Variants in MYH10 observed in about 807,000 individuals in gnomAD.
MYH10 encodes myosin heavy chain 10.
A neutral mutation model predicts 257.8 loss-of-function variants in MYH10; 55 were observed. The ratio of observed to expected loss-of-function variants is 0.21; its 90% CI spans 0.17 to 0.27. The LOEUF (loss-of-function observed/expected upper bound fraction) is 0.27. Among genes scored for constraint, MYH10 ranks in the 10% least tolerant of loss-of-function variants. The pLI, the probability that MYH10 is intolerant of heterozygous loss-of-function variation, is 1.00. For synonymous variants in MYH10, 854 were observed against 921.7 expected, an observed-to-expected ratio of 0.93 and a Z score of 1.33; for missense variants, 1,631 against 2,500.6, an observed-to-expected ratio of 0.65 and a Z score of 7.42.
chr17:8,481,424 A>G lies in MYH10; in HGVS notation c.5176-14T>C. The stretch of plus-strand genomic sequence containing the variant: ...TGAGGCAAGTTCCTAAGCAGTGGAG[A>G]CTGCGTTAAGCTCTGGCTGTGAATA... On this transcript the variant is annotated splice_polypyrimidine_tract_variant and intron_variant, in intron 37 of 42. Transcript: ENST00000360416. 6.2e-7 allele frequency: 1 copy of G among 1,612,714 alleles called. No homozygotes were observed. Among genetic ancestry groups the G allele is most frequent in the Non-Finnish European group, 8.5e-7 (1 of 1,179,192 alleles).
rs376765594 is a variant in MYH10 at position 8,548,933 on chromosome 17, A to G, written c.920-146T>C. The G allele has an allele frequency of 1.1e-5, 6 of 569,572 alleles. No homozygotes were observed. In the East Asian group the frequency reaches 1.1e-4, roughly 11 times the overall value. The allele number at this position is 569,572 out of a possible 1,614,324, so 35.3% of individuals were successfully genotyped here. ...AGCAAAATGTTTTTTTTCTTTATAT[A>G]TTCATGTAAATACACAAACATACAT... On this transcript the variant is annotated intron_variant, in intron 9 of 42. Transcript: ENST00000360416.
At chr17:8,491,505 G>C (rs1268039299) in intron 34 of MYH10, among the ~76,000 whole-genome samples, 1 of 152,226 alleles carries the variant, frequency 6.6e-6, no homozygotes, top group Admixed American at 6.5e-5. Flanking sequence ...ATGGCCCATA[G>C]CACATGAAAA....
At chr17:8,555,429 A>G (rs1222326338) in intron 7 of MYH10, among the ~76,000 whole-genome samples, 1 of 152,226 alleles carries the variant, frequency 6.6e-6, no homozygotes, top group Non-Finnish European at 1.5e-5. Flanking sequence ...GTATTGGTGT[A>G]AAGACAGAGA....
intron 7 of MYH10, among the ~76,000 whole-genome samples, chr17:8,563,711 A>G (rs532018767): frequency 6.6e-6 from 1 of 152,358 alleles, no homozygotes; most frequent in African/African-American, 2.4e-5. Flanking sequence ...GTTTTCAGCA[A>G]CTGCCTTTTG....
rs139940123 is a variant in MYH10, at chr17:8,491,768, C to A, written c.4671+529G>T. On this transcript the variant is annotated intron_variant, in intron 34 of 42. Transcript: ENST00000360416. ...GGAGAGACGTAGGGTAAATAAATAT[C>A]ATGGCAGCTCTTGTGGAAGATGTAT... Among the ~76,000 whole-genome samples, 136 of 152,292 alleles carry A rather than the reference C, an allele frequency of 8.9e-4. 1 individual carries two copies. The highest frequency in any genetic ancestry group is 3.2e-3 in the African/African-American group (134 of 41,548).
intron 1 of MYH10, among the ~76,000 whole-genome samples, chr17:8,628,202 T>C (rs1405463526): frequency 6.6e-6 from 1 of 152,164 alleles, no homozygotes; most frequent in African/African-American, 2.4e-5. Context: ...TTAGCGAACA[T>C]AAAGATGGTC....
At position 8,592,343 on chromosome 17, in the gene MYH10, AT is replaced by A. The variant is rs550048603; in HGVS notation, c.503-3236del. 4.4e-4 allele frequency among the ~76,000 whole-genome samples: 67 copies of A among 152,284 alleles called. 1 individual carries two copies. The highest frequency in any genetic ancestry group is 1.5e-3 in the African/African-American group (62 of 41,578). On this transcript the variant is annotated intron_variant, in intron 3 of 42. Transcript: ENST00000360416. ...TGGAAAACAGAAAAAAGAAAAAAAA[AT>A]CAATGAAACCAAATGTTCCTTCTTT...
intron 16 of MYH10, among the ~76,000 whole-genome samples, chr17:8,531,149 G>A (rs1055824251): frequency 2.0e-5 from 3 of 151,680 alleles, no homozygotes; most frequent in Non-Finnish European, 2.9e-5. Flanking sequence ...ACAGATTTTC[G>A]GAAATATAAT....
chr17:8,583,386 CTAAA>C (rs1190266064), intron 4 of MYH10, among the ~76,000 whole-genome samples: 2 of 151,818 alleles, frequency 1.3e-5, no homozygotes, highest in African/African-American at 2.4e-5. Context: ...AGCAAATTGA[CTAAA>C]TAGTTAACTA....
chr17:8,630,474 C>G (rs766791174), intron 1 of MYH10, among the ~76,000 whole-genome samples, 180 bp downstream of exon 1: 3 of 152,058 alleles, frequency 2.0e-5, no homozygotes, highest in Non-Finnish European at 2.9e-5. Context: ...ACCTAAGGTC[C>G]CCGCAGCACA....
In MYH10 at chr17:8,630,197, A is replaced by G. The variant is rs1373250559; in HGVS notation, c.-32+457T>C. 4.1e-5 allele frequency among the ~76,000 whole-genome samples: 6 copies of G among 146,070 alleles called. No individual in the cohort carries two copies. The East Asian group carries it at 1.2e-3, about 30-fold the overall frequency. ...TCCCCTCTCTTCCTGGGAGGCAGACACTGGCTCGCGGGGCACGCCGAGACC... is the reference window on the plus strand; with the variant it reads ...TCCCCTCTCTTCCTGGGAGGCAGACGCTGGCTCGCGGGGCACGCCGAGACC... On this transcript the variant is annotated intron_variant, in intron 1 of 42. Transcript: ENST00000360416.
In MYH10 at chr17:8,492,878, G is replaced by T; in HGVS notation, c.4356C>A (p.Thr1452=). Residue 1452 remains threonine, a synonymous_variant, in exon 33 of 43, where the codon ACC becomes ACA. Coordinates refer to ENST00000360416, the MANE Select transcript of MYH10 (RefSeq NM_001256012.3). ...CCAGCTCCTGCTGCAGGCGGTTCTT[G>T]GTCTTCTCCAGTTTGTCATACGCCA... The part of the protein sequence containing the change: ...KALAYDKLEK[T]KNRLQQELDD... The T allele has an allele frequency of 1.9e-6, 3 of 1,614,016 alleles. No individual in the cohort carries two copies. Among genetic ancestry groups the T allele is most frequent in the Non-Finnish European group, 2.5e-6 (3 of 1,179,992 alleles).
At position 8,504,680 on chromosome 17, in the gene MYH10, T is replaced by A; in HGVS notation, c.3599+14A>T. 6.2e-7 allele frequency: 1 copy of A among 1,609,936 alleles called. No homozygotes were observed. Among genetic ancestry groups the A allele is most frequent in the Non-Finnish European group, 8.5e-7 (1 of 1,177,430 alleles). On this transcript the variant is annotated intron_variant, in intron 28 of 42. Coordinates refer to ENST00000360416, the MANE Select transcript of MYH10 (RefSeq NM_001256012.3). The surrounding 1 kb of genome is among the most constrained non-coding windows in gnomAD (Gnocchi z 5.6). Reference sequence around the variant, plus strand: ...CGGCAGGCGCCCGGGCCCTGCTTCCTCTCCCACACTCACCGTAGTTCCTGC... The same window carrying A: ...CGGCAGGCGCCCGGGCCCTGCTTCCACTCCCACACTCACCGTAGTTCCTGC...
In MYH10 at chr17:8,613,078, C is replaced by T. The variant is rs201000590; in HGVS notation, c.346-8096G>A. 5.3e-5 allele frequency among the ~76,000 whole-genome samples: 8 copies of T among 151,912 alleles called. No homozygotes were observed. The East Asian group carries it at 5.8e-4, about 11-fold the overall frequency. On this transcript the variant is annotated intron_variant, in intron 2 of 42. Transcript: ENST00000360416. The stretch of plus-strand genomic sequence containing the variant: ...GAAAATTTTAGAGACAGCCAGTGGC[C>T]GGGGTGGGAAAAGGAAAACCGATGA...
chr17:8,611,657 A>G (rs78957633), intron 2 of MYH10, among the ~76,000 whole-genome samples: 2,235 of 152,336 alleles, frequency 0.015, 38 homozygotes, highest in Middle Eastern at 0.058. Flanking sequence ...ATACAGCTGA[A>G]GAAACAATTA....
chr17:8,565,852 C>T (rs2083148864), intron 7 of MYH10, among the ~76,000 whole-genome samples: 1 of 152,178 alleles, frequency 6.6e-6, no homozygotes. Flanking sequence ...ACTTGATTGT[C>T]AACCTTTGGA....
intron 30 of MYH10, among the ~76,000 whole-genome samples, chr17:8,496,324 A>G (rs1429832150): frequency 6.6e-6 from 1 of 152,038 alleles, no homozygotes; most frequent in Non-Finnish European, 1.5e-5. Context: ...TTCCATGGTC[A>G]CTCTGTTTAG....
At chr17:8,517,096 G>T (rs577999341) in intron 21 of MYH10, among the ~76,000 whole-genome samples, 1 of 152,046 alleles carries the variant, frequency 6.6e-6, no homozygotes, top group East Asian at 1.9e-4. Flanking sequence ...AGCCGAGGTC[G>T]CGCCACTGCA....
intron 6 of MYH10, among the ~76,000 whole-genome samples, chr17:8,574,393 C>T (rs1253920598): frequency 6.6e-6 from 1 of 152,160 alleles, no homozygotes; most frequent in African/African-American, 2.4e-5. Flanking sequence ...TGGCAGGTGA[C>T]TGCTAATGGG....
Sources: allele counts gnomAD v4.1 joint callset (sites outside exome capture counted in the v4.1 genomes callset), GRCh38; gene constraint gnomAD v4.1.1; non-coding constraint Gnocchi (gnomAD v3.1); transcripts MANE v1.5; gene names NCBI Gene and HGNC (gene_info 2026-07-23, HGNC 2026-07-21).